The following CACNA1E variants were observed in gnomAD, a reference collection of about 807,000 sequenced individuals.
CACNA1E encodes calcium voltage-gated channel subunit alpha1 E.
CACNA1E carries 40 observed loss-of-function variants against 259.2 expected under a neutral mutation model. The ratio of observed to expected loss-of-function variants is 0.15; its 90% CI spans 0.12 to 0.20. The LOEUF is 0.20. CACNA1E is among the 10% of genes least tolerant of loss of function. The pLI, the probability that CACNA1E is intolerant of heterozygous loss-of-function variation, is 1.00. For synonymous variants in CACNA1E, 1,104 were observed against 1,138.5 expected (o/e 0.97, Z 0.61); for missense variants, 1,874 against 3,040.1 (o/e 0.62, Z 9.02).
At position 181,483,649 on chromosome 1, in the gene CACNA1E, C is replaced by A; in HGVS notation, c.-96C>A. Reference sequence around the variant, plus strand: ...GGTGGTCCCCGTGCTTGTCTGGATGCGGCTCTGAGTCTCCGTGTGTCTTTC... The same window carrying A: ...GGTGGTCCCCGTGCTTGTCTGGATGAGGCTCTGAGTCTCCGTGTGTCTTTC... On this transcript the variant is annotated 5_prime_UTR_variant, in exon 1 of 48. Transcript: ENST00000367573. 2.5e-6 allele frequency: 2 copies of A among 803,638 alleles called. No homozygotes were observed. The highest frequency in any genetic ancestry group is 3.7e-6 in the Non-Finnish European group (2 of 538,452). 49.8% of individuals were successfully genotyped at this position (803,638 alleles called of 1,614,324 possible). A position where few individuals can be genotyped will look rare whatever the true frequency, so the allele number is the denominator to read the frequency against.
At chr1:181,680,370 C>T (rs948145235) in intron 7 of CACNA1E, among the ~76,000 whole-genome samples, 22 of 152,106 alleles carry the variant, frequency 1.4e-4, no homozygotes, top group African/African-American at 5.3e-4. Context: ...GAGCCTCCAA[C>T]CATTAGGGTG....
At chr1:181,695,681 A>T (rs1651622637) in intron 7 of CACNA1E, among the ~76,000 whole-genome samples, 1 of 152,224 alleles carries the variant, frequency 6.6e-6, no homozygotes, top group South Asian at 2.1e-4. Context: ...GTGAATCTAC[A>T]GCTGGGTGTG....
intron 2 of CACNA1E, among the ~76,000 whole-genome samples, chr1:181,452,611 G>T (rs1661228475): frequency 6.6e-6 from 1 of 152,130 alleles, no homozygotes; most frequent in South Asian, 2.1e-4. Flanking sequence ...AGCCTGTTTT[G>T]GAAGGTTTCC....
At chr1:181,402,909 A>G (rs1657205223) in intron 1 of CACNA1E, among the ~76,000 whole-genome samples, 1 of 152,200 alleles carries the variant, frequency 6.6e-6, no homozygotes, top group Non-Finnish European at 1.5e-5. Flanking sequence ...TAGCTATGTG[A>G]CCTTGGGTAA....
chr1:181,569,063 C>T (rs1650136917), intron 3 of CACNA1E, among the ~76,000 whole-genome samples: 1 of 152,228 alleles, frequency 6.6e-6, no homozygotes, highest in African/African-American at 2.4e-5. Context: ...ACATTGTTTC[C>T]TCTGACCTAC....
chr1:181,321,558 TGTAGACTA>T (rs1369734189), intron 1 of CACNA1E, among the ~76,000 whole-genome samples: 2 of 152,228 alleles, frequency 1.3e-5, no homozygotes, highest in African/African-American at 4.8e-5. Flanking sequence ...GAAATAGTTC[TGTAGACTA>T]GTAGGGGAAC....
chr1:181,403,405 A>C (rs993208519), intron 1 of CACNA1E, among the ~76,000 whole-genome samples: 1 of 151,896 alleles, frequency 6.6e-6, no homozygotes, highest in Non-Finnish European at 1.5e-5. Context: ...GGCCTTTTAC[A>C]TATAACCCAA....
chr1:181,636,422 G>A (rs553668451), intron 6 of CACNA1E, among the ~76,000 whole-genome samples: 1 of 152,156 alleles, frequency 6.6e-6, no homozygotes, highest in Non-Finnish European at 1.5e-5. Context: ...TCCAAAACAC[G>A]TTGACTCTTA....
At chr1:181,522,456 A>T (rs562956959) in intron 3 of CACNA1E, among the ~76,000 whole-genome samples, 1 of 152,258 alleles carries the variant, frequency 6.6e-6, no homozygotes, top group African/African-American at 2.4e-5. Context: ...TTGCTATATG[A>T]TTATTATGAT....
At chr1:181,521,473 A>G (rs555117127) in intron 3 of CACNA1E, among the ~76,000 whole-genome samples, 10 of 152,204 alleles carry the variant, frequency 6.6e-5, no homozygotes, top group Non-Finnish European at 1.0e-4. Flanking sequence ...CCTAATACCC[A>G]TATATGAGCT....
chr1:181,326,997 G>A (rs1650845275), intron 1 of CACNA1E, among the ~76,000 whole-genome samples: 1 of 152,124 alleles, frequency 6.6e-6, no homozygotes, highest in Non-Finnish European at 1.5e-5. Context: ...GCTGTCCTGG[G>A]TTCTTCTCCT....
intron 2 of CACNA1E, among the ~76,000 whole-genome samples, chr1:181,450,428 GTGTGT>G (rs1661082300): frequency 5.6e-5 from 3 of 53,928 alleles, no homozygotes; most frequent in African/African-American, 5.2e-4. Context: ...GGGATTGTGT[GTGTGT>G]GTGTGTGTGT....
At chr1:181,649,505 T>A (rs895528122) in intron 6 of CACNA1E, among the ~76,000 whole-genome samples, 4 of 152,164 alleles carry the variant, frequency 2.6e-5, no homozygotes, top group Admixed American at 6.5e-5. Context: ...TGGGTTTGCT[T>A]ACAACCCAAA....
At chr1:181,614,044 T>G (rs1654991315) in intron 6 of CACNA1E, among the ~76,000 whole-genome samples, 1 of 152,230 alleles carries the variant, frequency 6.6e-6, no homozygotes, top group Non-Finnish European at 1.5e-5. Context: ...CTTCAATTTT[T>G]TTCAAATCAA....
At chr1:181,549,847 G>A (rs1316087054) in intron 3 of CACNA1E, among the ~76,000 whole-genome samples, 1 of 152,204 alleles carries the variant, frequency 6.6e-6, no homozygotes, top group Non-Finnish European at 1.5e-5. Context: ...AGTGGAGCAT[G>A]GCGGAGAGTG....
chr1:181,628,579 AGTGAT>A (rs1186009335), intron 6 of CACNA1E, among the ~76,000 whole-genome samples: 1 of 152,190 alleles, frequency 6.6e-6, no homozygotes, highest in Non-Finnish European at 1.5e-5. Flanking sequence ...GCTGAATGAT[AGTGAT>A]CATTCCAAAA....
intron 17 of CACNA1E, among the ~76,000 whole-genome samples, chr1:181,725,774 G>C (rs116679010): frequency 5.4e-4 from 82 of 152,356 alleles, no homozygotes; most frequent in African/African-American, 1.8e-3. Flanking sequence ...TGAGGGCTAG[G>C]GGTTGGGGTA....
At chr1:181,356,669 G>A (rs762526470) in intron 1 of CACNA1E, among the ~76,000 whole-genome samples, 1 of 152,204 alleles carries the variant, frequency 6.6e-6, no homozygotes, top group Non-Finnish European at 1.5e-5. Flanking sequence ...CAGCCTTGTT[G>A]AAACTTCTCT....
chr1:181,545,646 A>G (rs1647367973), intron 3 of CACNA1E, among the ~76,000 whole-genome samples: 1 of 152,206 alleles, frequency 6.6e-6, no homozygotes, highest in African/African-American at 2.4e-5. Flanking sequence ...GAGAACAGGA[A>G]AGAGAGGAGG....
Sources: allele counts gnomAD v4.1 joint callset (sites outside exome capture counted in the v4.1 genomes callset), GRCh38; gene constraint gnomAD v4.1.1; transcripts MANE v1.5; gene names NCBI Gene and HGNC (gene_info 2026-07-23, HGNC 2026-07-21).